HUNK: variants seen among roughly 807,000 people sequenced by gnomAD.
The protein encoded by HUNK is hormonally up-regulated Neu-associated kinase, also known as hormonally up-regulated neu tumor-associated kinase.
Under a neutral mutation model 61.0 loss-of-function variants are expected in HUNK, and 21 were observed. That is an observed-to-expected ratio of 0.34 (90% CI 0.24 to 0.50). The LOEUF is 0.50. Ranked by LOEUF, HUNK falls within the 20% of genes least tolerant of loss-of-function variation. The pLI is 0.98. For synonymous variants in HUNK, 371 were observed against 386.1 expected (o/e 0.96, Z 0.46); for missense variants, 772 against 945.7 (o/e 0.82, Z 2.41).
intron 1 of HUNK, among the ~76,000 whole-genome samples, chr21:31,904,556 A>C (rs756641607): frequency 2.6e-5 from 4 of 152,210 alleles, no homozygotes; most frequent in Non-Finnish European, 4.4e-5. Flanking sequence ...AGGAACTCAA[A>C]GTATCAGGTT....
chr21:31,984,086 G>C (rs1021979289), intron 8 of HUNK, among the ~76,000 whole-genome samples: 2 of 152,188 alleles, frequency 1.3e-5, no homozygotes, highest in Non-Finnish European at 2.9e-5. Context: ...TGGAATGGCA[G>C]GGGGAAGGGA....
At position 31,916,371 on chromosome 21, in the gene HUNK, A is replaced by G. The variant is rs534871537; in HGVS notation, c.262-8097A>G. Among the ~76,000 whole-genome samples the G allele has an allele frequency of 4.0e-5, 6 of 151,782 alleles. No homozygotes were observed. The South Asian group carries it at 1.3e-3, about 32-fold the overall frequency. ...GGCCCTAAGTGCTTTCTTTATGTAC[A>G]TTATCTTAGGGACTATTGGTAGATG... On this transcript the variant is annotated intron_variant, in intron 1 of 10. Transcript: ENST00000270112.
At position 31,873,323 on chromosome 21, in the gene HUNK, C is replaced by G. The variant is rs2052228558; in HGVS notation, c.-352C>G. 6.6e-6 allele frequency: 1 copy of G among 151,718 alleles called. No homozygotes were observed. 9.4% of individuals were successfully genotyped at this position (151,718 alleles called of 1,614,324 possible). The stretch of plus-strand genomic sequence containing the variant: ...CCGGACCCCGGGACCCAGGCGCCGC[C>G]GGACCGCGCCCCACCCCGCGCGCCC... On this transcript the variant is annotated 5_prime_UTR_variant, in exon 1 of 11. Transcript: ENST00000270112. This position sits in a 1 kb window ranked among gnomAD's most constrained non-coding sequence, Gnocchi z 6.1.
chr21:31,988,800 TCTCCTCTCCCCTCGCTTCCTC>T (rs1355898362), intron 8 of HUNK, among the ~76,000 whole-genome samples: 4 of 147,302 alleles, frequency 2.7e-5, no homozygotes, highest in Admixed American at 1.4e-4. Context: ...CTGCCTTCCC[TCTCCTCTCCCCTCGCTTCCTC>T]CTCCTCTCCC....
chr21:31,999,260 G>A lies in HUNK; in HGVS notation c.*76G>A, dbSNP rs2123264146. On this transcript the variant is annotated 3_prime_UTR_variant, in exon 11 of 11. Coordinates refer to ENST00000270112, the MANE Select transcript of HUNK (RefSeq NM_014586.2). ...GCTCCACACATCTGTCAGGGTGTGA[G>A]CACTCCAAGGCCTCGCGTGGAGCAT... 7.6e-7 allele frequency: 1 copy of A among 1,320,890 alleles called. No homozygotes were observed. Among genetic ancestry groups the A allele is most frequent in the East Asian group, 2.3e-5 (1 of 43,000 alleles). The allele number at this position is 1,320,890 out of a possible 1,614,324, so 81.8% of individuals were successfully genotyped here.
In HUNK at chr21:31,902,451, G is replaced by A. The variant is rs113371055; in HGVS notation, c.262-22017G>A. Among the ~76,000 whole-genome samples the A allele has an allele frequency of 2.9e-3, 438 of 152,204 alleles. 1 individual carries two copies. Among genetic ancestry groups the A allele is most frequent in the Non-Finnish European group, 4.5e-3 (305 of 68,002 alleles). Reference sequence around the variant, plus strand: ...CTTGAACCTGGGAGACGGAGGTTGCGGTGAGCCAAGATCGTGCCATTGCAC... The same window carrying A: ...CTTGAACCTGGGAGACGGAGGTTGCAGTGAGCCAAGATCGTGCCATTGCAC... On this transcript the variant is annotated intron_variant, in intron 1 of 10. Transcript: ENST00000270112.
intron 1 of HUNK, among the ~76,000 whole-genome samples, chr21:31,899,283 G>A (rs73191258): frequency 6.6e-6 from 1 of 152,132 alleles, no homozygotes; most frequent in Non-Finnish European, 1.5e-5. Context: ...TGAAATCAAG[G>A]CGTTGGCAGA....
chr21:31,951,198 A>G (rs1436496825), intron 4 of HUNK, among the ~76,000 whole-genome samples: 2 of 149,844 alleles, frequency 1.3e-5, no homozygotes, highest in Non-Finnish European at 3.0e-5. Flanking sequence ...ATAAATATAT[A>G]TATATATATA....
intron 3 of HUNK, among the ~76,000 whole-genome samples, chr21:31,941,772 G>C (rs2052770401): frequency 6.6e-6 from 1 of 152,144 alleles, no homozygotes. Context: ...CCTGGTGTGG[G>C]GTAGGGAATG....
At chr21:31,978,968 C>T (rs2053071170) in intron 7 of HUNK, among the ~76,000 whole-genome samples, 1 of 152,162 alleles carries the variant, frequency 6.6e-6, no homozygotes, top group Non-Finnish European at 1.5e-5. Context: ...GTTCTTTCTT[C>T]TCCACATCCT....
At chr21:31,952,255 T>C (rs1235720812) in intron 4 of HUNK, among the ~76,000 whole-genome samples, 1 of 152,128 alleles carries the variant, frequency 6.6e-6, no homozygotes, top group East Asian at 1.9e-4. Flanking sequence ...GGAAGTTATA[T>C]TATTAAAAGT....
intron 4 of HUNK, among the ~76,000 whole-genome samples, chr21:31,954,166 G>A (rs995523084): frequency 6.6e-6 from 1 of 152,146 alleles, no homozygotes; most frequent in African/African-American, 2.4e-5. Flanking sequence ...CCCCTTTAGT[G>A]GGGTTGTCCT....
intron 1 of HUNK, among the ~76,000 whole-genome samples, chr21:31,912,475 C>T (rs1352079202): frequency 1.3e-5 from 2 of 152,010 alleles, no homozygotes; most frequent in Non-Finnish European, 2.9e-5. Context: ...GTGAATGCCT[C>T]GGTCGGGGGA....
Position 31,873,920 on chromosome 21 carries a change from G to A in HUNK, c.246G>A (p.Val82=). Residue 82 remains valine, a synonymous_variant, in exon 1 of 11, where the codon GTG becomes GTA. Coordinates refer to ENST00000270112, the MANE Select transcript of HUNK (RefSeq NM_014586.2). The surrounding 1 kb of genome is among the most constrained non-coding windows in gnomAD (Gnocchi z 6.1). ...CCAAGGTGCGCGAGGGGCTGCACGT[G>A]CTGACCGGGGAGAAGGTGAGTCTCC... ...SFAKVREGLH[V]LTGEKVAIKV... is the part of the protein sequence containing the mutation. 2 of 1,556,976 alleles carry A rather than the reference G, an allele frequency of 1.3e-6. No homozygotes were observed. The highest frequency in any genetic ancestry group is 1.4e-5 in the African/African-American group (1 of 71,812).
At position 31,999,362 on chromosome 21, in the gene HUNK, G is replaced by C. The variant is rs554738433; in HGVS notation, c.*178G>C. Reference sequence around the variant, plus strand: ...ACCTCGCTTAGGGACCCCCAGAGATGCTGGAATCGCTAGGAGGGTTGGCTC... The same window carrying C: ...ACCTCGCTTAGGGACCCCCAGAGATCCTGGAATCGCTAGGAGGGTTGGCTC... On this transcript the variant is annotated 3_prime_UTR_variant, in exon 11 of 11. Transcript: ENST00000270112. 28 of 578,108 alleles carry C rather than the reference G, an allele frequency of 4.8e-5. No homozygotes were observed. In the South Asian group the frequency reaches 7.8e-4, roughly 16 times the overall value. 35.8% of individuals were successfully genotyped at this position (578,108 alleles called of 1,614,324 possible).
intron 4 of HUNK, among the ~76,000 whole-genome samples, chr21:31,957,162 C>T (rs191931103): frequency 2.0e-5 from 3 of 152,288 alleles, no homozygotes; most frequent in South Asian, 2.1e-4. Flanking sequence ...CACTCATCAC[C>T]GCTTGAAAGG....
intron 9 of HUNK, among the ~76,000 whole-genome samples, chr21:31,991,562 C>G (rs1488693206): frequency 6.6e-6 from 1 of 152,162 alleles, no homozygotes; most frequent in Non-Finnish European, 1.5e-5. Context: ...TTTTCTGCAG[C>G]AAAACCAGGT....
chr21:31,942,892 C>G (rs912180030), intron 3 of HUNK, among the ~76,000 whole-genome samples: 5 of 152,032 alleles, frequency 3.3e-5, no homozygotes, highest in African/African-American at 1.2e-4. Flanking sequence ...TAGACCACAC[C>G]TGAGGGCTGG....
Position 31,998,552 on chromosome 21 carries a change from C to G in HUNK, c.1513C>G (p.Arg505Gly). Residue 505 changes from arginine to glycine, a missense_variant, in exon 11 of 11, where the codon CGC (arginine) becomes GGC (glycine). Arg to Gly is a moderately radical substitution (Grantham distance 125). This residue lies in a region of HUNK where 413 missense variants were observed against 444.4 expected (regional missense o/e 0.93). Coordinates refer to ENST00000270112, the MANE Select transcript of HUNK (RefSeq NM_014586.2). Reference sequence around the variant, plus strand: ...TTCCTTTGGCTGCCGCAATATTTTCCGCAAAACCTCAGATTCCAATTGTGT... The same window carrying G: ...TTCCTTTGGCTGCCGCAATATTTTCGGCAAAACCTCAGATTCCAATTGTGT... ...KDSFGCRNIF[R>G]KTSDSNCVAS... 6.3e-7 allele frequency: 1 copy of G among 1,596,400 alleles called. No homozygotes were observed. Among genetic ancestry groups the G allele is most frequent in the Non-Finnish European group, 8.5e-7 (1 of 1,173,168 alleles).
Sources: allele counts gnomAD v4.1 joint callset (sites outside exome capture counted in the v4.1 genomes callset), GRCh38; gene constraint gnomAD v4.1.1; regional missense constraint gnomAD v4.1.1; non-coding constraint Gnocchi (gnomAD v3.1); transcripts MANE v1.5; gene names NCBI Gene and HGNC (gene_info 2026-07-23, HGNC 2026-07-21).